ZMYM4: variants seen among roughly 807,000 people sequenced by gnomAD.
The protein encoded by ZMYM4 is zinc finger MYM-type protein 4.
Under a neutral mutation model 183.2 loss-of-function variants are expected in ZMYM4, and 31 were observed. That is an observed-to-expected ratio of 0.17 (90% confidence interval 0.13 to 0.23). The LOEUF is 0.23. Among genes scored for constraint, ZMYM4 ranks in the 10% least tolerant of loss-of-function variants. The probability of loss-of-function intolerance (pLI) is 1.00; values close to 1 mark genes in which losing one functional copy is unlikely to be tolerated. For missense variants in ZMYM4, 1,273 were observed against 1,840.3 expected, an observed-to-expected ratio of 0.69 and a Z score of 5.64; for synonymous variants, 592 against 631.2, an observed-to-expected ratio of 0.94 and a Z score of 0.93.
intron 1 of ZMYM4, among the ~76,000 whole-genome samples, chr1:35,305,118 A>G (rs1641475092): frequency 6.6e-6 from 1 of 152,234 alleles, no homozygotes; most frequent in Admixed American, 6.5e-5. Context: ...TGCTGGGATT[A>G]CAGGCGTGAG....
At chr1:35,290,399 A>C (rs1161564222) in intron 1 of ZMYM4, among the ~76,000 whole-genome samples, 1 of 152,148 alleles carries the variant, frequency 6.6e-6, no homozygotes, top group Non-Finnish European at 1.5e-5. Context: ...GGTTAACATC[A>C]CATGTACAGT....
At chr1:35,305,188 T>C (rs1641479191) in intron 1 of ZMYM4, among the ~76,000 whole-genome samples, 1 of 152,144 alleles carries the variant, frequency 6.6e-6, no homozygotes, top group Non-Finnish European at 1.5e-5. Context: ...TTAGGTGTAG[T>C]GTTTCTATAA....
At chr1:35,397,946 ATACTAC>A (rs1191485397) in intron 20 of ZMYM4, among the ~76,000 whole-genome samples, 2 of 152,206 alleles carry the variant, frequency 1.3e-5, no homozygotes, top group Non-Finnish European at 2.9e-5. Context: ...GATAGATCTC[ATACTAC>A]TAGTGTGGAA....
At chr1:35,370,251 T>C in intron 6 of ZMYM4, 121 bp from the exon 7 acceptor site, 1 of 1,449,508 alleles carries the variant, frequency 6.9e-7, no homozygotes, top group Non-Finnish European at 9.1e-7. Flanking sequence ...GCATAATTAC[T>C]GTTGGGTTTC....
chr1:35,384,931 C>T (rs1224677325), intron 9 of ZMYM4, among the ~76,000 whole-genome samples: 1 of 149,964 alleles, frequency 6.7e-6, no homozygotes, highest in Non-Finnish European at 1.5e-5. Flanking sequence ...GCAAGCTCTG[C>T]CTCCTGGTTC....
intron 1 of ZMYM4, among the ~76,000 whole-genome samples, chr1:35,272,625 A>T (rs185393730): frequency 1.1e-3 from 168 of 151,936 alleles, no homozygotes; most frequent in African/African-American, 4.0e-3. Flanking sequence ...AGCGTCCTTT[A>T]CTCCCCAGAG....
intron 2 of ZMYM4, among the ~76,000 whole-genome samples, chr1:35,346,419 G>C (rs1241852333): frequency 6.6e-6 from 1 of 152,186 alleles, no homozygotes; most frequent in Non-Finnish European, 1.5e-5. Context: ...GGGAGGCTGA[G>C]GCAGGTAGAT....
At chr1:35,381,474 C>T (rs1178880355) in intron 8 of ZMYM4, 41 bp downstream of exon 8, 15 of 1,607,846 alleles carry the variant, frequency 9.3e-6, no homozygotes, top group South Asian at 4.4e-5. Context: ...GAGTCTAATA[C>T]GTTTGTGCTT....
At chr1:35,285,519 A>G (rs540972010) in intron 1 of ZMYM4, among the ~76,000 whole-genome samples, 1 of 152,270 alleles carries the variant, frequency 6.6e-6, no homozygotes, top group Non-Finnish European at 1.5e-5. Flanking sequence ...CAGATCAAAA[A>G]TATTTGGAAA....
At chr1:35,317,680 G>A (rs548753182) in intron 1 of ZMYM4, among the ~76,000 whole-genome samples, 36 of 152,256 alleles carry the variant, frequency 2.4e-4, no homozygotes, top group African/African-American at 8.4e-4. Context: ...GAACAGATCG[G>A]GATGCTGCTG....
At chr1:35,356,108 G>A (rs1329282528) in intron 2 of ZMYM4, among the ~76,000 whole-genome samples, 1 of 152,186 alleles carries the variant, frequency 6.6e-6, no homozygotes, top group African/African-American at 2.4e-5. Flanking sequence ...CACTTGAGAG[G>A]CTGAGGTAGG....
At chr1:35,375,142 T>A (rs1424414407) in intron 7 of ZMYM4, among the ~76,000 whole-genome samples, 2 of 152,176 alleles carry the variant, frequency 1.3e-5, no homozygotes, top group East Asian at 3.8e-4. Flanking sequence ...CTTCTTCATC[T>A]TCTTTCTTAC....
At chr1:35,312,725 T>G (rs1641858970) in intron 1 of ZMYM4, among the ~76,000 whole-genome samples, 1 of 139,730 alleles carries the variant, frequency 7.2e-6, no homozygotes, top group Admixed American at 7.1e-5. Flanking sequence ...CCTCCCTCCC[T>G]TCCTTCCTTT....
Position 35,408,012 on chromosome 1 carries a change from C to T in ZMYM4, c.3801C>T (p.Arg1267=), listed in dbSNP as rs372831490. The change falls in exon 26 of 30, where the codon CGC becomes CGT. Residue 1267 remains arginine, a synonymous_variant. Transcript: ENST00000314607. ...QESSEPGCRV[R]SIKLKEDILS... Reference sequence around the variant, plus strand: ...ATGTTTTCTACCTTTCCACAGTCCGCTCTATCAAGCTGAAGGAAGACATTC... The same window carrying T: ...ATGTTTTCTACCTTTCCACAGTCCGTTCTATCAAGCTGAAGGAAGACATTC... The T allele has an allele frequency of 4.0e-5, 65 of 1,614,056 alleles. No homozygotes were observed. The highest frequency in any genetic ancestry group is 5.3e-5 in the Non-Finnish European group (62 of 1,180,032).
At chr1:35,342,398 C>A (rs1643233471) in intron 2 of ZMYM4, among the ~76,000 whole-genome samples, 1 of 152,036 alleles carries the variant, frequency 6.6e-6, no homozygotes, top group African/African-American at 2.4e-5. Flanking sequence ...TGGGTTCAAG[C>A]AATCCTCCTG....
At chr1:35,285,526 G>A (rs536666654) in intron 1 of ZMYM4, among the ~76,000 whole-genome samples, 29 of 147,684 alleles carry the variant, frequency 2.0e-4, no homozygotes, top group African/African-American at 6.5e-4. Context: ...AAAATATTTG[G>A]AAAAAAAAAT....
chr1:35,403,604 T>A lies in ZMYM4; in HGVS notation c.3529-1419T>A, dbSNP rs1644951008. Among the ~76,000 whole-genome samples, 3 of 152,310 alleles carry A rather than the reference T, an allele frequency of 2.0e-5. No homozygotes were observed. In the South Asian group the frequency reaches 6.2e-4, roughly 32 times the overall value. On this transcript the variant is annotated intron_variant, in intron 23 of 29. Transcript: ENST00000314607. Reference sequence around the variant, plus strand: ...GCTGGCCCTATGAAGGTTTTGAGTGTCCCTGTTCAAGACATATTTATCTGT... The same window carrying A: ...GCTGGCCCTATGAAGGTTTTGAGTGACCCTGTTCAAGACATATTTATCTGT...
chr1:35,325,527 T>C, intron 2 of ZMYM4, 122 bp downstream of exon 2: 1 of 895,116 alleles, frequency 1.1e-6, no homozygotes, highest in Non-Finnish European at 1.7e-6. Flanking sequence ...TTCAATCTGA[T>C]TTAGTCTAGA....
At chr1:35,394,191 T>TTTTTTTTTTTTTCTTTTTTTC (rs1644766620) in intron 18 of ZMYM4, among the ~76,000 whole-genome samples, 1 of 122,454 alleles carries the variant, frequency 8.2e-6, no homozygotes, top group East Asian at 2.9e-4. Flanking sequence ...TTTTTTTTTT[T>TTTTTTTTTTTTTCTTTTTTTC]TATGAACTGC....
Sources: allele counts gnomAD v4.1 joint callset (sites outside exome capture counted in the v4.1 genomes callset), GRCh38; gene constraint gnomAD v4.1.1; transcripts MANE v1.5; gene names NCBI Gene and HGNC (gene_info 2026-07-23, HGNC 2026-07-21).